The following NOX4 variants were observed in gnomAD, a reference collection of about 807,000 sequenced individuals.
NOX4 encodes kidney oxidase-1.
In NOX4, 69 loss-of-function variants were observed where a neutral mutation model predicts 87.6. The observed-to-expected ratio is 0.79, with a 90% CI of 0.65 to 0.96. NOX4 has a LOEUF of 0.96. NOX4 is among the 40% of genes least tolerant of loss of function. The pLI is 0.00. For synonymous variants in NOX4, 275 were observed against 238.2 expected, an observed-to-expected ratio of 1.15 and a Z score of -1.42; for missense variants, 680 against 681.5, an observed-to-expected ratio of 1.00 and a Z score of 0.02.
At chr11:89,431,014 C>T (rs1017951377) in intron 7 of NOX4, among the ~76,000 whole-genome samples, 12 of 152,086 alleles carry the variant, frequency 7.9e-5, no homozygotes, top group African/African-American at 1.2e-4. Context: ...GAGATATAGA[C>T]CAATGGAACA....
intron 6 of NOX4, among the ~76,000 whole-genome samples, 158 bp downstream of exon 6, chr11:89,440,530 G>A (rs1191652637): frequency 6.6e-6 from 1 of 151,920 alleles, no homozygotes; most frequent in Non-Finnish European, 1.5e-5. Flanking sequence ...TCATCATGTT[G>A]ATCAGGCTGG....
At chr11:89,396,645 C>CA (rs924540284) in intron 11 of NOX4, among the ~76,000 whole-genome samples, 8 of 150,914 alleles carry the variant, frequency 5.3e-5, no homozygotes, top group Non-Finnish European at 1.2e-4. Context: ...AAATGGAAAA[C>CA]AAAAAAAAGC....
At position 89,440,689 on chromosome 11, in the gene NOX4, A is replaced by G. The variant is rs773436204; in HGVS notation, c.474T>C (p.Thr158=). ...DEDPRKLLFT[T]VPGLTGVCMV... ...AAAAGGCTAAGAATAACAACTTACC[A>G]GTTGTGAAGAGAAGTTTTCTAGGAT... is the stretch of plus-strand genomic sequence containing the variant. The change falls in exon 6 of 18, where the codon ACT becomes ACC. Residue 158 remains threonine (T), a splice_region_variant and synonymous_variant. Transcript: ENST00000263317. The G allele has an allele frequency of 8.4e-6, 13 of 1,546,932 alleles. No individual in the cohort carries two copies. The African/African-American group carries it at 1.8e-4, about 21-fold the overall frequency.
the NOX4 span, among the ~76,000 whole-genome samples, chr11:89,544,477 T>C: frequency 1.4e-4 from 22 of 152,254 alleles, no homozygotes; most frequent in East Asian, 4.1e-3. Context: ...TTCAGAGTGC[T>C]TTAGCAAAAG....
intron 6 of NOX4, among the ~76,000 whole-genome samples, chr11:89,438,085 G>C (rs1424947684): frequency 6.6e-6 from 1 of 150,964 alleles, no homozygotes; most frequent in African/African-American, 2.4e-5. Flanking sequence ...TTTGTATTAA[G>C]TGTCTTCTCT....
chr11:89,484,344 C>A (rs369436544), intron 2 of NOX4, among the ~76,000 whole-genome samples: 2 of 152,046 alleles, frequency 1.3e-5, no homozygotes, highest in African/African-American at 4.8e-5. Context: ...AATTCCTTCA[C>A]AATTTATTGG....
chr11:89,357,614 A>G (rs1470577195), intron 12 of NOX4, among the ~76,000 whole-genome samples: 3 of 152,124 alleles, frequency 2.0e-5, no homozygotes, highest in Non-Finnish European at 4.4e-5. Flanking sequence ...AAAACCCAAC[A>G]GCAAACAAGA....
intron 2 of NOX4, among the ~76,000 whole-genome samples, chr11:89,486,517 T>C (rs965938459): frequency 1.4e-5 from 2 of 146,366 alleles, no homozygotes; most frequent in African/African-American, 5.0e-5. Flanking sequence ...TATATACACA[T>C]ACATATATAT....
chr11:89,507,825 TACC>T, the NOX4 span, among the ~76,000 whole-genome samples: 1 of 151,918 alleles, frequency 6.6e-6, no homozygotes, highest in Non-Finnish European at 1.5e-5. Flanking sequence ...AATTACTATT[TACC>T]ACCAAGAATA....
chr11:89,521,787 C>T, the NOX4 span, among the ~76,000 whole-genome samples: 3 of 152,026 alleles, frequency 2.0e-5, no homozygotes, highest in Non-Finnish European at 4.4e-5. Flanking sequence ...ATGCATCCAA[C>T]AAAAGTCTAA....
chr11:89,481,833 C>T (rs1946401902), intron 2 of NOX4, among the ~76,000 whole-genome samples: 1 of 152,000 alleles, frequency 6.6e-6, no homozygotes, highest in African/African-American at 2.4e-5. Context: ...GGCTCCTCTC[C>T]CTCCAGGCTG....
chr11:89,552,072 C>G, the NOX4 span, among the ~76,000 whole-genome samples: 2 of 152,158 alleles, frequency 1.3e-5, no homozygotes, highest in Admixed American at 6.5e-5. Context: ...TTCTACTTTT[C>G]TTTTCCAGAT....
At chr11:89,505,822 A>C in the NOX4 span, among the ~76,000 whole-genome samples, 1 of 151,866 alleles carries the variant, frequency 6.6e-6, no homozygotes, top group Non-Finnish European at 1.5e-5. Context: ...TAAAATAGTA[A>C]AGCCAGAAAT....
chr11:89,470,547 G>A (rs535962267), intron 2 of NOX4, among the ~76,000 whole-genome samples: 3 of 152,164 alleles, frequency 2.0e-5, no homozygotes, highest in African/African-American at 7.2e-5. Flanking sequence ...CAGAACTCAG[G>A]ACATACACTT....
the NOX4 span, chr11:89,589,429 G>T: frequency 6.6e-6 from 1 of 152,320 alleles, no homozygotes; most frequent in East Asian, 1.9e-4. Context: ...AATATTAAGA[G>T]ATTTGCTTAC....
the NOX4 span, among the ~76,000 whole-genome samples, chr11:89,550,547 T>A: frequency 6.6e-6 from 1 of 152,160 alleles, no homozygotes; most frequent in Non-Finnish European, 1.5e-5. Flanking sequence ...TAATTACCAG[T>A]GATGATGAGC....
intron 11 of NOX4, among the ~76,000 whole-genome samples, chr11:89,379,918 C>G (rs1300479845): frequency 6.6e-6 from 1 of 152,176 alleles, no homozygotes; most frequent in Admixed American, 6.5e-5. Context: ...TTCCCCTCAT[C>G]TACTCTTAAC....
the NOX4 span, among the ~76,000 whole-genome samples, chr11:89,575,389 C>T: frequency 6.6e-6 from 1 of 152,078 alleles, no homozygotes; most frequent in Admixed American, 6.6e-5. Context: ...AAACAGCCTA[C>T]AGATCTGTAG....
At chr11:89,359,157 T>C (rs1188264276) in intron 12 of NOX4, among the ~76,000 whole-genome samples, 1 of 152,104 alleles carries the variant, frequency 6.6e-6, no homozygotes, top group Non-Finnish European at 1.5e-5. Flanking sequence ...ATTTGCATTC[T>C]CTGGTTAATC....
Sources: gnomAD v4.1 joint callset for allele counts (sites outside exome capture counted in the v4.1 genomes callset) on GRCh38, gnomAD v4.1.1 for gene constraint, MANE v1.5 for transcripts, NCBI Gene and HGNC (gene_info 2026-07-23, HGNC 2026-07-21) for gene names.